Variants in VEPH1 observed in about 807,000 individuals in gnomAD.
The protein encoded by VEPH1 is ventricular zone-expressed PH domain-containing protein homolog 1.
A neutral mutation model predicts 85.2 loss-of-function variants in VEPH1; 80 were observed. That is an observed-to-expected ratio of 0.94 (90% confidence interval 0.78 to 1.13). The LOEUF (loss-of-function observed/expected upper bound fraction) is 1.13, where lower values mean the gene tolerates loss of function less well. Among genes scored for constraint, VEPH1 ranks in the 50% most tolerant of loss-of-function variants. The pLI is 0.00. For missense variants in VEPH1, 955 were observed against 980.5 expected (o/e 0.97, Z 0.35); for synonymous variants, 297 against 348.0 (o/e 0.85, Z 1.63).
intron 5 of VEPH1, among the ~76,000 whole-genome samples, chr3:157,417,069 T>G (rs969949217): frequency 8.1e-5 from 11 of 135,514 alleles, no homozygotes; most frequent in African/African-American, 3.7e-4. Context: ...ACAAAAGTTG[T>G]TTTTTTTTTT....
At chr3:157,317,284 T>C in intron 9 of VEPH1, 83 bp from the exon 10 acceptor site, 1 of 1,297,798 alleles carries the variant, frequency 7.7e-7, no homozygotes, top group Non-Finnish European at 1.0e-6. Context: ...CACAAATGCC[T>C]TTATAAAATA....
intron 11 of VEPH1, among the ~76,000 whole-genome samples, chr3:157,289,137 A>C (rs1048734645): frequency 6.6e-6 from 1 of 151,974 alleles, no homozygotes; most frequent in Non-Finnish European, 1.5e-5. Context: ...CAAAACTGTG[A>C]AGTCTCTGAA....
intron 6 of VEPH1, 79 bp from the exon 7 acceptor site, chr3:157,381,455 A>G (rs1191608266): frequency 1.4e-6 from 2 of 1,471,510 alleles, no homozygotes; most frequent in African/African-American, 2.8e-5. Context: ...CTGTAATCCC[A>G]GCACTTTGGG....
chr3:157,420,768 C>T (rs1328363797), intron 5 of VEPH1, among the ~76,000 whole-genome samples: 1 of 152,202 alleles, frequency 6.6e-6, no homozygotes, highest in Non-Finnish European at 1.5e-5. Flanking sequence ...ATCACAAAAG[C>T]AGCTCCTCTG....
chr3:157,287,001 C>T (rs1227225080), intron 11 of VEPH1, among the ~76,000 whole-genome samples: 4 of 152,120 alleles, frequency 2.6e-5, no homozygotes, highest in African/African-American at 9.7e-5. Context: ...AAGGGATATC[C>T]AAGTGGCAAT....
intron 7 of VEPH1, among the ~76,000 whole-genome samples, chr3:157,377,653 G>C (rs1728273879): frequency 1.3e-5 from 2 of 152,100 alleles, no homozygotes; most frequent in African/African-American, 4.8e-5. Flanking sequence ...ATAAGGGGCT[G>C]TTTCTGCTTT....
At chr3:157,427,052 A>G (rs888850427) in intron 5 of VEPH1, among the ~76,000 whole-genome samples, 5 of 151,772 alleles carry the variant, frequency 3.3e-5, no homozygotes, top group Non-Finnish European at 7.4e-5. Flanking sequence ...CAGTGCTGCA[A>G]TCTTGGCTCA....
intron 9 of VEPH1, among the ~76,000 whole-genome samples, chr3:157,331,128 T>C (rs943203008): frequency 6.6e-6 from 1 of 152,140 alleles, no homozygotes; most frequent in African/African-American, 2.4e-5. Context: ...CCCTGAAAAT[T>C]TCATCCCTTC....
intron 11 of VEPH1, among the ~76,000 whole-genome samples, chr3:157,300,106 C>T (rs1235577632): frequency 6.6e-6 from 1 of 152,028 alleles, no homozygotes; most frequent in Non-Finnish European, 1.5e-5. Context: ...TTTCTTCTTG[C>T]ACAAAAAGAG....
intron 4 of VEPH1, chr3:157,459,665 T>G: frequency 2.2e-6 from 3 of 1,335,502 alleles, no homozygotes; most frequent in Non-Finnish European, 2.9e-6. Context: ...TCAAATGTTG[T>G]AACAATTAAC....
At chr3:157,406,242 G>A (rs1053565413) in intron 6 of VEPH1, among the ~76,000 whole-genome samples, 2 of 152,114 alleles carry the variant, frequency 1.3e-5, no homozygotes, top group African/African-American at 2.4e-5. Context: ...TTTTAACTAA[G>A]TTTATCATCC....
At chr3:157,265,818 C>T (rs541144155) in intron 12 of VEPH1, among the ~76,000 whole-genome samples, 156 bp from the exon 13 acceptor site, 1 of 152,118 alleles carries the variant, frequency 6.6e-6, no homozygotes, top group South Asian at 2.1e-4. Flanking sequence ...CCTCCTTTGT[C>T]CCTAAAAGAA....
intron 4 of VEPH1, chr3:157,436,881 A>C: frequency 6.3e-7 from 1 of 1,592,598 alleles, no homozygotes; most frequent in South Asian, 1.1e-5. Context: ...AACTCAGCTC[A>C]CTTGAGAGTC....
intron 5 of VEPH1, among the ~76,000 whole-genome samples, chr3:157,424,985 C>T (rs551997121): frequency 2.6e-5 from 4 of 152,190 alleles, no homozygotes; most frequent in Non-Finnish European, 5.9e-5. Flanking sequence ...GTCTTCATGG[C>T]AGCCCCTCCC....
intron 9 of VEPH1, among the ~76,000 whole-genome samples, chr3:157,334,841 T>C (rs1255860117): frequency 1.3e-5 from 2 of 151,596 alleles, no homozygotes; most frequent in Admixed American, 6.6e-5. Flanking sequence ...GGCATGGAGG[T>C]GGGGATGAGA....
chr3:157,381,239 G>A lies in VEPH1; in HGVS notation c.1044C>T (p.Asp348=), dbSNP rs113100664. 1.1e-5 allele frequency: 17 copies of A among 1,613,978 alleles called. No individual in the cohort carries two copies. In the Middle Eastern group the frequency reaches 4.9e-4, roughly 47 times the overall value. The change falls in exon 7 of 14, where the codon GAC becomes GAT. Residue 348 remains aspartate, a synonymous_variant. Coordinates refer to ENST00000362010, the MANE Select transcript of VEPH1 (RefSeq NM_001167912.2). The part of the protein sequence containing the change: ...FSSILGPQSR[D]IFRMSNSFTA... ...TGAAGCTGTTGCTCATGCGGAAGATGTCTCTGCTCTGAGGGCCCAAGATTG... is the reference window on the plus strand; with the variant it reads ...TGAAGCTGTTGCTCATGCGGAAGATATCTCTGCTCTGAGGGCCCAAGATTG...
intron 4 of VEPH1, among the ~76,000 whole-genome samples, chr3:157,440,564 A>T (rs1411909245): frequency 1.3e-5 from 2 of 152,040 alleles, no homozygotes; most frequent in East Asian, 1.9e-4. Context: ...AGGTGTTTTT[A>T]AAAAAATACC....
intron 5 of VEPH1, among the ~76,000 whole-genome samples, chr3:157,424,228 T>C (rs781596762): frequency 8.5e-5 from 13 of 152,356 alleles, no homozygotes; most frequent in East Asian, 3.9e-4. Context: ...TTTCTCTTAC[T>C]GCCACCATGT....
intron 7 of VEPH1, among the ~76,000 whole-genome samples, chr3:157,373,972 C>G (rs949382359): frequency 3.9e-5 from 6 of 152,190 alleles, no homozygotes; most frequent in Non-Finnish European, 8.8e-5. Flanking sequence ...AAGCTGATAA[C>G]AATGTCTCCT....
Sources: allele counts gnomAD v4.1 joint callset (sites outside exome capture counted in the v4.1 genomes callset), GRCh38; gene constraint gnomAD v4.1.1; transcripts MANE v1.5; gene names NCBI Gene and HGNC (gene_info 2026-07-23, HGNC 2026-07-21).